PRKACB: variants seen among roughly 807,000 people sequenced by gnomAD.
PRKACB encodes protein kinase cAMP-activated catalytic subunit beta.
In PRKACB, 16 loss-of-function variants were observed where a neutral mutation model predicts 51.4. The observed-to-expected ratio is 0.31, with a 90% CI of 0.21 to 0.47. The LOEUF is 0.47. PRKACB is among the 20% of genes least tolerant of loss of function. The pLI, the probability that PRKACB is intolerant of heterozygous loss-of-function variation, is 1.00. For missense variants in PRKACB, 309 were observed against 464.5 expected (o/e 0.67, Z 3.08); for synonymous variants, 147 against 154.4 (o/e 0.95, Z 0.35).
chr1:84,147,074 A>T (rs757290233), intron 1 of PRKACB, among the ~76,000 whole-genome samples: 87 of 152,074 alleles, frequency 5.7e-4, no homozygotes, highest in Non-Finnish European at 1.0e-3. Context: ...TTGATCATAA[A>T]TGTGTAGAGT....
At chr1:84,083,381 G>A (rs1436361588) in intron 1 of PRKACB, among the ~76,000 whole-genome samples, 1 of 152,140 alleles carries the variant, frequency 6.6e-6, no homozygotes. Context: ...TCATGTTCAG[G>A]AACCATTTTT....
At chr1:84,153,715 T>G (rs894502863) in intron 1 of PRKACB, among the ~76,000 whole-genome samples, 6 of 152,206 alleles carry the variant, frequency 3.9e-5, no homozygotes, top group African/African-American at 1.4e-4. Context: ...GTCTTCCAGG[T>G]TCATTCACTC....
chr1:84,078,495 G>T lies in PRKACB; in HGVS notation c.46+124G>T, dbSNP rs1571488458. ...GGCCTAGCAGCGGCCGCCGGGAGTC[G>T]TTCTGGGGGGCCGGGAGACCAGCTG... On this transcript the variant is annotated intron_variant, in intron 1 of 8. Coordinates refer to the PRKACB transcript ENST00000370688. 5 of 1,099,708 alleles carry T rather than the reference G, an allele frequency of 4.5e-6. No individual in the cohort carries two copies. In the East Asian group the frequency reaches 1.3e-4, roughly 29 times the overall value. 68.1% of individuals were successfully genotyped at this position (1,099,708 alleles called of 1,614,324 possible).
At chr1:84,168,235 T>C (rs1396858032) in intron 1 of PRKACB, among the ~76,000 whole-genome samples, 1 of 151,588 alleles carries the variant, frequency 6.6e-6, no homozygotes, top group Non-Finnish European at 1.5e-5. Flanking sequence ...TAACAGTACC[T>C]TTCTCAGTTT....
chr1:84,115,018 A>T (rs1650520673), intron 1 of PRKACB, among the ~76,000 whole-genome samples: 1 of 152,138 alleles, frequency 6.6e-6, no homozygotes, highest in African/African-American at 2.4e-5. Context: ...ATATTCTTTG[A>T]TACACTGTCT....
At chr1:84,207,163 T>C (rs960235819) in intron 8 of PRKACB, among the ~76,000 whole-genome samples, 1 of 152,180 alleles carries the variant, frequency 6.6e-6, no homozygotes, top group Non-Finnish European at 1.5e-5. Flanking sequence ...AATACCTTCT[T>C]TCTGACAGCT....
At chr1:84,139,639 C>T (rs1392826109), upstream of PRKACB, among the ~76,000 whole-genome samples, 1 of 152,134 alleles carries the variant, frequency 6.6e-6, no homozygotes, top group Non-Finnish European at 1.5e-5. Context: ...GTTAAGATGT[C>T]ATTTCTTCCA....
In PRKACB at chr1:84,175,792, C is replaced by T. The variant is rs569373664; in HGVS notation, c.188-3385C>T. On this transcript the variant is annotated intron_variant, in intron 1 of 9. Coordinates refer to ENST00000370685, the MANE Select transcript of PRKACB (RefSeq NM_182948.4). ...TTCCTGCAAACAAATCTTGGGTGAA[C>T]ATGTAGATTCCTTTGGTATGCTCAT... 1.8e-5 allele frequency: 29 copies of T among 1,570,522 alleles called. No individual in the cohort carries two copies. In the South Asian group the frequency reaches 2.8e-4, roughly 15 times the overall value.
intron 2 of PRKACB, among the ~76,000 whole-genome samples, chr1:84,180,532 G>A (rs1035894205): frequency 2.0e-5 from 3 of 151,748 alleles, no homozygotes; most frequent in African/African-American, 7.2e-5. Flanking sequence ...GCTTACTCAT[G>A]TAACCAAATA....
chr1:84,230,763 G>A lies in PRKACB; in HGVS notation c.1072-4417G>A, dbSNP rs1295638314. On this transcript the variant is annotated intron_variant, in intron 9 of 9. Transcript: ENST00000370685. ...GTTGTTGGTGTATAAGAATGCCTGT[G>A]ATTTTTGTACATTGATTTTGTATCC... is the stretch of plus-strand genomic sequence containing the variant. Among the ~76,000 whole-genome samples, 18 of 149,122 alleles carry A rather than the reference G, an allele frequency of 1.2e-4. 1 individual carries two copies. Among genetic ancestry groups the A allele is most frequent in the Middle Eastern group, 3.2e-3 (1 of 316 alleles).
intron 1 of PRKACB, among the ~76,000 whole-genome samples, chr1:84,127,734 CATTCA>C (rs1475463280): frequency 3.6e-4 from 55 of 152,104 alleles, no homozygotes; most frequent in Middle Eastern, 6.8e-3. Flanking sequence ...TTTGCTAACA[CATTCA>C]ATTGACTATA....
Position 84,188,723 on chromosome 1 carries a change from G to A in PRKACB, c.560+3541G>A, listed in dbSNP as rs552650035. On this transcript the variant is annotated intron_variant, in intron 5 of 9. Coordinates refer to ENST00000370685, the MANE Select transcript of PRKACB (RefSeq NM_182948.4). ...AAAAATAAATCTAATTATTTAATAC[G>A]TCTACAAGATGAGATCTGTGTCTTC... Among the ~76,000 whole-genome samples the A allele has an allele frequency of 1.7e-3, 263 of 151,534 alleles. 4 individuals carry two copies. The South Asian group carries it at 0.017, about 10-fold the overall frequency.
chr1:84,088,681 G>C (rs1648213730), intron 1 of PRKACB, among the ~76,000 whole-genome samples: 1 of 152,130 alleles, frequency 6.6e-6, no homozygotes, highest in Non-Finnish European at 1.5e-5. Context: ...TCATGAATAA[G>C]CCATAGTTCA....
intron 9 of PRKACB, among the ~76,000 whole-genome samples, chr1:84,226,978 A>T (rs1183204906): frequency 1.3e-5 from 2 of 152,164 alleles, no homozygotes; most frequent in Non-Finnish European, 2.9e-5. Context: ...GATGAATTAT[A>T]TGAGGGAGAC....
chr1:84,206,151 T>C (rs1671309261), intron 8 of PRKACB, among the ~76,000 whole-genome samples: 1 of 152,210 alleles, frequency 6.6e-6, no homozygotes, highest in Admixed American at 6.5e-5. Flanking sequence ...CCTTGGCTTA[T>C]GTAATTTAAA....
intron 5 of PRKACB, among the ~76,000 whole-genome samples, chr1:84,191,203 A>T (rs544163030): frequency 1.3e-5 from 2 of 152,224 alleles, no homozygotes; most frequent in Admixed American, 1.3e-4. Flanking sequence ...ACCACTTGTA[A>T]GGCTGATCTG....
At chr1:84,185,987 G>A (rs1394344333) in intron 5 of PRKACB, among the ~76,000 whole-genome samples, 1 of 152,104 alleles carries the variant, frequency 6.6e-6, no homozygotes, top group Non-Finnish European at 1.5e-5. Context: ...CAAAGAAAAG[G>A]TTGGAGGTTT....
intron 9 of PRKACB, among the ~76,000 whole-genome samples, chr1:84,221,586 A>G (rs1673736033): frequency 2.0e-5 from 3 of 151,414 alleles, no homozygotes; most frequent in South Asian, 4.2e-4. Flanking sequence ...TCCCCTTAGC[A>G]CTGCTTTTCT....
chr1:84,223,875 T>C (rs1220632985), intron 9 of PRKACB, among the ~76,000 whole-genome samples: 1 of 152,168 alleles, frequency 6.6e-6, no homozygotes, highest in African/African-American at 2.4e-5. Context: ...CTTTTGGAGG[T>C]GTCATGTTTC....
Sources: allele counts gnomAD v4.1 joint callset (sites outside exome capture counted in the v4.1 genomes callset), GRCh38; gene constraint gnomAD v4.1.1; transcripts MANE v1.5; gene names NCBI Gene and HGNC (gene_info 2026-07-23, HGNC 2026-07-21).